Variants in LATS2 observed in about 807,000 individuals in gnomAD.
LATS2 encodes the protein large tumor suppressor kinase 2.
Under a neutral mutation model 76.0 loss-of-function variants are expected in LATS2, and 24 were observed. That is an observed-to-expected ratio of 0.32 (90% CI 0.23 to 0.44). The LOEUF is 0.44. LATS2 is among the 20% of genes least tolerant of loss of function. The pLI, the probability that LATS2 is intolerant of heterozygous loss-of-function variation, is 1.00. For synonymous variants in LATS2, 692 were observed against 635.4 expected, an observed-to-expected ratio of 1.09 and a Z score of -1.34; for missense variants, 1,286 against 1,481.2, an observed-to-expected ratio of 0.87 and a Z score of 2.16.
chr13:20,990,484 TTTTA>T lies in LATS2; in HGVS notation c.475+784_475+787del, dbSNP rs1191376788. Among the ~76,000 whole-genome samples, 495 of 140,368 alleles carry T rather than the reference TTTTA, an allele frequency of 3.5e-3. 26 individuals carry two copies. Among genetic ancestry groups the T allele is most frequent in the African/African-American group, 0.013 (455 of 36,174 alleles). The allele number at this position is 140,368 out of a possible 152,430, so 92.1% of individuals were successfully genotyped here. A position where few individuals can be genotyped will look rare whatever the true frequency, so the allele number is the denominator to read the frequency against. On this transcript the variant is annotated intron_variant, in intron 3 of 7. Transcript: ENST00000382592. ...GGATTTTTTTTTTTTTTTTTTTTTT[TTTTA>T]AATACAGACGAGGTCTCCCTCTGTT...
chr13:20,981,757 A>C, intron 5 of LATS2, 109 bp from the exon 6 acceptor site: 1 of 890,584 alleles, frequency 1.1e-6, no homozygotes, highest in Non-Finnish European at 1.7e-6. Flanking sequence ...AGTCATTCCA[A>C]TCAGCTCCTG....
At chr13:21,043,948 T>C (rs1872975013) in intron 2 of LATS2, among the ~76,000 whole-genome samples, 1 of 152,188 alleles carries the variant, frequency 6.6e-6, no homozygotes, top group Non-Finnish European at 1.5e-5. Context: ...TTACTCCAGA[T>C]TTCCCCAGGA....
At chr13:21,024,516 G>A (rs1385592282) in intron 2 of LATS2, among the ~76,000 whole-genome samples, 2 of 151,828 alleles carry the variant, frequency 1.3e-5, no homozygotes, top group Non-Finnish European at 2.9e-5. Flanking sequence ...GTTCAGTGGC[G>A]GTTCTCGCCA....
Position 20,988,354 on chromosome 13 carries a change from C to CGGGGGG in LATS2, c.1425_1426insCCCCCC (p.Pro475_Ala476insProPro). 7.7e-7 allele frequency: 1 copy of CGGGGGG among 1,291,772 alleles called. No individual in the cohort carries two copies. The highest frequency in any genetic ancestry group is 9.9e-7 in the Non-Finnish European group (1 of 1,005,702). The allele number at this position is 1,291,772 out of a possible 1,614,324, so 80.0% of individuals were successfully genotyped here. ...AAGCCCTCCGCAGCCGGGGCGGGGG[C>CGGGGGG]GGGGGCGGGGGCCGGGGCAGGCGCG... On this transcript the variant is annotated inframe_insertion, in exon 4 of 8. Coordinates refer to ENST00000382592, the MANE Select transcript of LATS2 (RefSeq NM_014572.3).
intron 7 of LATS2, among the ~76,000 whole-genome samples, chr13:20,979,335 G>A (rs1869767882): frequency 6.6e-6 from 1 of 152,014 alleles, no homozygotes; most frequent in African/African-American, 2.4e-5. Context: ...ATAGTTCCTG[G>A]AGTTCCGTGT....
intron 1 of LATS2, among the ~76,000 whole-genome samples, chr13:21,048,694 A>G (rs1439839669): frequency 1.3e-5 from 2 of 151,976 alleles, no homozygotes; most frequent in African/African-American, 4.8e-5. Flanking sequence ...AAAATTAGCC[A>G]GGCATGGTGG....
At chr13:20,982,441 G>A (rs1869934681) in intron 5 of LATS2, among the ~76,000 whole-genome samples, 1 of 152,176 alleles carries the variant, frequency 6.6e-6, no homozygotes, top group African/African-American at 2.4e-5. Flanking sequence ...CCTCCCAGTA[G>A]CTGGGATTAC....
Position 20,985,771 on chromosome 13 carries a change from C to T in LATS2, c.1900-1965G>A, listed in dbSNP as rs1251535708. ...AATAAATAAATAAAATAAGGCCAGG[C>T]GCGGTGGCTCACACCTGTAATCCCA... On this transcript the variant is annotated intron_variant, in intron 4 of 7. Transcript: ENST00000382592. 2.8e-5 allele frequency among the ~76,000 whole-genome samples: 4 copies of T among 142,084 alleles called. No individual in the cohort carries two copies. In the East Asian group the frequency reaches 8.7e-4, roughly 31 times the overall value. The allele number at this position is 142,084 out of a possible 152,430, so 93.2% of individuals were successfully genotyped here.
Position 21,036,351 on chromosome 13 carries a change from A to G in LATS2, c.342+9334T>C, listed in dbSNP as rs556962321. 3.3e-5 allele frequency among the ~76,000 whole-genome samples: 5 copies of G among 152,254 alleles called. No homozygotes were observed. The East Asian group carries it at 9.7e-4, about 29-fold the overall frequency. Reference sequence around the variant, plus strand: ...CTGGCCAAAAGCCCATTTTAACAGGAAAGTGGGTCCAGTCTCAGGCACTTA... The same window carrying G: ...CTGGCCAAAAGCCCATTTTAACAGGGAAGTGGGTCCAGTCTCAGGCACTTA... On this transcript the variant is annotated intron_variant, in intron 2 of 7. Transcript: ENST00000382592.
At chr13:21,041,933 C>T (rs1329694820) in intron 2 of LATS2, among the ~76,000 whole-genome samples, 1 of 152,130 alleles carries the variant, frequency 6.6e-6, no homozygotes, top group Non-Finnish European at 1.5e-5. Flanking sequence ...CCCCTATAAC[C>T]CACTGCAACC....
At chr13:21,007,758 A>ATTTTTT (rs1184394830) in intron 2 of LATS2, among the ~76,000 whole-genome samples, 1 of 5,906 alleles carries the variant, frequency 1.7e-4, no homozygotes, top group African/African-American at 6.9e-4. Flanking sequence ...ATATATATAT[A>ATTTTTT]TATTTTTTTT....
intron 2 of LATS2, among the ~76,000 whole-genome samples, chr13:21,002,973 G>T (rs1353972307): frequency 6.6e-6 from 1 of 152,082 alleles, no homozygotes; most frequent in Admixed American, 6.5e-5. Context: ...AAAGTGTTGG[G>T]ATTATAGGCA....
chr13:20,973,514 C>CTG lies in LATS2; in HGVS notation c.*1354_*1355dup, dbSNP rs58156767. 5,221 of 223,242 alleles carry CTG rather than the reference C, an allele frequency of 0.023. 210 individuals are homozygous for CTG. Among genetic ancestry groups the CTG allele is most frequent in the African/African-American group, 0.097 (4,374 of 44,888 alleles). The allele number at this position is 223,242 out of a possible 1,614,324, so 13.8% of individuals were successfully genotyped here. A position where few individuals can be genotyped will look rare whatever the true frequency, so the allele number is the denominator to read the frequency against. On this transcript the variant is annotated 3_prime_UTR_variant, in exon 8 of 8. Transcript: ENST00000382592. ...GAAATAAGGAATATTGTGTTTATCT[C>CTG]TGTGTGTGTGTGTGTGTGTGTATAC...
intron 2 of LATS2, among the ~76,000 whole-genome samples, chr13:21,038,079 C>A (rs1008006561): frequency 6.6e-6 from 1 of 152,090 alleles, no homozygotes; most frequent in Admixed American, 6.6e-5. Flanking sequence ...ACACTCCAGT[C>A]TGGGTGACAA....
rs968663977 is a variant in LATS2 at position 21,019,325 on chromosome 13, A to C, written c.342+26360T>G. Among the ~76,000 whole-genome samples the C allele has an allele frequency of 2.0e-3, 291 of 144,424 alleles. 1 individual carries two copies. The highest frequency in any genetic ancestry group is 5.9e-3 in the African/African-American group (221 of 37,632). 94.7% of individuals were successfully genotyped at this position (144,424 alleles called of 152,430 possible). ...TATTATTATTATTATTATTATTATT[A>C]TTATTATTATTATTATTTGAGACAG... On this transcript the variant is annotated intron_variant, in intron 2 of 7. Coordinates refer to ENST00000382592, the MANE Select transcript of LATS2 (RefSeq NM_014572.3).
At position 20,987,930 on chromosome 13, in the gene LATS2, T is replaced by C. The variant is rs763520138; in HGVS notation, c.1850A>G (p.Tyr617Cys). 4.0e-5 allele frequency: 64 copies of C among 1,614,024 alleles called. 1 individual carries two copies. The South Asian group carries it at 6.8e-4, about 17-fold the overall frequency. The change falls in exon 4 of 8, where the codon TAC becomes TGC. Residue 617 changes from tyrosine (Y) to cysteine (C), a missense_variant. Transcript: ENST00000382592. Reference protein sequence around the residue: ...EQHVENVIKTYQQKVNRRLQL... With the variant: ...EQHVENVIKTCQQKVNRRLQL... ...CAGCCTCCGGTTAACCTTCTGCTGGTAGGTTTTGATGACATTCTCCACGTG... is the reference window on the plus strand; with the variant it reads ...CAGCCTCCGGTTAACCTTCTGCTGGCAGGTTTTGATGACATTCTCCACGTG...
At chr13:21,032,636 C>A (rs533401112) in intron 2 of LATS2, among the ~76,000 whole-genome samples, 2 of 152,216 alleles carry the variant, frequency 1.3e-5, no homozygotes, top group South Asian at 4.1e-4. Context: ...TGGTCCAAGA[C>A]AATTCTTCTT....
chr13:20,990,121 A>G (rs503606), intron 3 of LATS2, among the ~76,000 whole-genome samples: 151,413 of 152,364 alleles, frequency 0.99, 75,244 homozygotes, highest in East Asian at 1. Context: ...CTGGCACTGA[A>G]CAAAGGTCAC....
chr13:21,011,486 T>C (rs1871590550), intron 2 of LATS2, among the ~76,000 whole-genome samples: 1 of 152,220 alleles, frequency 6.6e-6, no homozygotes, highest in Non-Finnish European at 1.5e-5. Flanking sequence ...AAATATACTT[T>C]ACAGTTCCTC....
Sources: allele counts gnomAD v4.1 joint callset (sites outside exome capture counted in the v4.1 genomes callset), GRCh38; gene constraint gnomAD v4.1.1; transcripts MANE v1.5; gene names NCBI Gene and HGNC (gene_info 2026-07-23, HGNC 2026-07-21).